The following ACBD3 variants were observed in gnomAD, a reference collection of about 807,000 sequenced individuals.
ACBD3 encodes the protein acyl-CoA binding domain containing 3.
ACBD3 carries 30 observed loss-of-function variants against 66.9 expected under a neutral mutation model. The observed-to-expected ratio is 0.45, with a 90% CI of 0.34 to 0.61. ACBD3 has a LOEUF of 0.61. Among genes scored for constraint, ACBD3 ranks in the 20% least tolerant of loss-of-function variants. The probability of loss-of-function intolerance (pLI) is 0.02; values close to 1 mark genes in which losing one functional copy is unlikely to be tolerated. For missense variants in ACBD3, 544 were observed against 664.5 expected (o/e 0.82, Z 1.99); for synonymous variants, 278 against 259.8 (o/e 1.07, Z -0.68).
Position 226,146,677 on chromosome 1 carries a change from T to C in ACBD3, c.1520A>G (p.Lys507Arg). 6.2e-7 allele frequency: 1 copy of C among 1,614,026 alleles called. No individual in the cohort carries two copies. Among genetic ancestry groups the C allele is most frequent in the Non-Finnish European group, 8.5e-7 (1 of 1,180,012 alleles). The change falls in exon 8 of 8, where the codon AAG (lysine) becomes AGG (arginine). Residue 507 changes from lysine (K) to arginine (R), a missense_variant. Transcript: ENST00000366812. ...QYPGRGVYLL[K>R]FDNSYSLWRS... ...CCACAAAGAGTAGGAGTTGTCAAAC[T>C]TGAGGAGATAGACTCCTCTCCCTGG...
chr1:226,181,866 A>T (rs1423541500), intron 1 of ACBD3, among the ~76,000 whole-genome samples: 1 of 152,200 alleles, frequency 6.6e-6, no homozygotes, highest in Non-Finnish European at 1.5e-5. Flanking sequence ...AATAAAATGA[A>T]CCCACTGGAT....
intron 5 of ACBD3, among the ~76,000 whole-genome samples, chr1:226,155,512 G>A (rs1659656069): frequency 6.6e-6 from 1 of 150,452 alleles, no homozygotes; most frequent in Non-Finnish European, 1.5e-5. Context: ...ATTGATGGAA[G>A]AAAAAAATCT....
At chr1:226,177,696 G>A (rs1294434874) in intron 1 of ACBD3, among the ~76,000 whole-genome samples, 1 of 152,006 alleles carries the variant, frequency 6.6e-6, no homozygotes, top group Non-Finnish European at 1.5e-5. Flanking sequence ...AGGGCTTGCA[G>A]GAAAATCTTA....
intron 1 of ACBD3, among the ~76,000 whole-genome samples, chr1:226,184,645 G>C (rs906208368): frequency 3.3e-5 from 5 of 152,098 alleles, no homozygotes; most frequent in Non-Finnish European, 7.4e-5. Flanking sequence ...CTAGAATCCA[G>C]AGCTTCCTGA....
At chr1:226,182,237 AAAAG>A (rs1656187132) in intron 1 of ACBD3, among the ~76,000 whole-genome samples, 4 of 152,112 alleles carry the variant, frequency 2.6e-5, no homozygotes, top group African/African-American at 9.6e-5. Context: ...TAAAAAAAAA[AAAAG>A]AATTGAGCAA....
At chr1:226,168,322 A>C (rs1338509047) in intron 1 of ACBD3, among the ~76,000 whole-genome samples, 1 of 152,220 alleles carries the variant, frequency 6.6e-6, no homozygotes, top group Non-Finnish European at 1.5e-5. Context: ...ACCATGGACA[A>C]GGAGAGACTC....
chr1:226,185,894 C>T (rs915103570), intron 1 of ACBD3, among the ~76,000 whole-genome samples: 1 of 152,192 alleles, frequency 6.6e-6, no homozygotes, highest in South Asian at 2.1e-4. Context: ...AAGTCCTGTT[C>T]CAGTTTATGG....
At chr1:226,170,699 A>C (rs1433568794) in intron 1 of ACBD3, among the ~76,000 whole-genome samples, 3 of 149,946 alleles carry the variant, frequency 2.0e-5, no homozygotes, top group Non-Finnish European at 2.9e-5. Flanking sequence ...GAAATCCCTG[A>C]CTATTGCTAT....
At position 226,152,510 on chromosome 1, in the gene ACBD3, T is replaced by C; in HGVS notation, c.1200A>G (p.Gly400=). 1 of 1,614,228 alleles carries C rather than the reference T, an allele frequency of 6.2e-7. No individual in the cohort carries two copies. The highest frequency in any genetic ancestry group is 8.5e-7 in the Non-Finnish European group (1 of 1,180,036). ...TGGGTACTCGAACAGTGACCACTTC[T>C]CCTCGGCCCACTGTAATCACGGAAT... is the stretch of plus-strand genomic sequence containing the variant. The part of the protein sequence containing the change: ...DADSVITVGR[G]EVVTVRVPTH... The change falls in exon 7 of 8, where the codon GGA becomes GGG. Residue 400 remains glycine, a synonymous_variant. Coordinates refer to ENST00000366812, the MANE Select transcript of ACBD3 (RefSeq NM_022735.4).
intron 1 of ACBD3, among the ~76,000 whole-genome samples, chr1:226,168,842 A>T (rs1659923779): frequency 6.6e-6 from 1 of 152,242 alleles, no homozygotes; most frequent in South Asian, 2.1e-4. Flanking sequence ...TTAGAGAAAC[A>T]CAGCCCAGAA....
At chr1:226,157,153 T>A (rs1659690140) in intron 5 of ACBD3, among the ~76,000 whole-genome samples, 1 of 152,210 alleles carries the variant, frequency 6.6e-6, no homozygotes, top group African/African-American at 2.4e-5. Flanking sequence ...GTTCCCTTTG[T>A]TCCTTCCCCA....
chr1:226,150,802 G>A (rs1314820810), intron 7 of ACBD3, among the ~76,000 whole-genome samples: 1 of 152,200 alleles, frequency 6.6e-6, no homozygotes, highest in Non-Finnish European at 1.5e-5. Context: ...GTAAGACAAA[G>A]CAGCTCATGC....
chr1:226,179,686 C>T (rs571161696), intron 1 of ACBD3, among the ~76,000 whole-genome samples: 377 of 151,902 alleles, frequency 2.5e-3, no homozygotes, highest in African/African-American at 8.7e-3. Context: ...GGAGAAACCC[C>T]ATCTCTACTA....
At chr1:226,155,512 GA>G (rs1244406001) in intron 5 of ACBD3, among the ~76,000 whole-genome samples, 4 of 150,452 alleles carry the variant, frequency 2.7e-5, no homozygotes, top group Non-Finnish European at 4.4e-5. Flanking sequence ...ATTGATGGAA[GA>G]AAAAAATCTT....
At chr1:226,148,036 T>C (rs1165773821) in intron 7 of ACBD3, 1 of 152,182 alleles carries the variant, frequency 6.6e-6, no homozygotes, top group Non-Finnish European at 1.5e-5. Context: ...GAGTGATGCT[T>C]GTCAATGGCC....
In ACBD3 at chr1:226,146,729, C is replaced by A. The variant is rs986987064; in HGVS notation, c.1468G>T (p.Glu490Ter). Residue 490 changes from glutamate to a stop codon, truncating the protein, a stop_gained, in exon 8 of 8, where the codon GAG becomes TAG. Coordinates refer to ENST00000366812, the MANE Select transcript of ACBD3 (RefSeq NM_022735.4). LOFTEE classifies it high-confidence loss of function. ...TATTGATGGCTGCCAGCATACACCT[C>A]CTCATGACAGTCCCGTCGGTACACA... ...VPVYRRDCHE[E>*]VYAGSHQYPG... is the part of the protein sequence containing the mutation. The A allele has an allele frequency of 6.2e-7, 1 of 1,613,956 alleles. No individual in the cohort carries two copies. Among genetic ancestry groups the A allele is most frequent in the Non-Finnish European group, 8.5e-7 (1 of 1,180,028 alleles).
intron 1 of ACBD3, among the ~76,000 whole-genome samples, chr1:226,184,043 T>C (rs1048842049): frequency 6.6e-6 from 1 of 151,652 alleles, no homozygotes; most frequent in African/African-American, 2.4e-5. Flanking sequence ...TACAAAAAAT[T>C]AGCCGGGCGT....
At chr1:226,160,917 A>T (rs555018163) in intron 4 of ACBD3, among the ~76,000 whole-genome samples, 8 of 152,372 alleles carry the variant, frequency 5.3e-5, no homozygotes, top group Admixed American at 3.3e-4. Flanking sequence ...GGTCTCACAG[A>T]TTCCAGCCAG....
rs1659954211 is a variant in ACBD3, at chr1:226,169,734, T to C, written c.287-3734A>G. Among the ~76,000 whole-genome samples the C allele has an allele frequency of 4.0e-5, 6 of 149,354 alleles. No individual in the cohort carries two copies. In the South Asian group the frequency reaches 8.4e-4, roughly 21 times the overall value. The stretch of plus-strand genomic sequence containing the variant: ...TTTAAAACAAAAAAAAAAAAGGGCA[T>C]TAAGCAGCCGGGCACAGTGGCTCAC... On this transcript the variant is annotated intron_variant, in intron 1 of 7. Coordinates refer to ENST00000366812, the MANE Select transcript of ACBD3 (RefSeq NM_022735.4).
Sources: allele counts gnomAD v4.1 joint callset (sites outside exome capture counted in the v4.1 genomes callset), GRCh38; gene constraint gnomAD v4.1.1; transcripts MANE v1.5; gene names NCBI Gene and HGNC (gene_info 2026-07-23, HGNC 2026-07-21).